Variants in MYOM2 observed in about 807,000 individuals in gnomAD.
The protein encoded by MYOM2 is myomesin 2, also known as myomesin-2.
A neutral mutation model predicts 187.6 loss-of-function variants in MYOM2; 254 were observed. That is an observed-to-expected ratio of 1.35 (90% CI 1.22 to 1.50). The LOEUF (loss-of-function observed/expected upper bound fraction) is 1.50, where lower values mean the gene tolerates loss of function less well. MYOM2 is among the 40% of genes most tolerant of loss of function. MYOM2 has a pLI of 0.00. For synonymous variants in MYOM2, 981 were observed against 753.8 expected (o/e 1.30, Z -4.94); for missense variants, 2,796 against 1,924.0 (o/e 1.45, Z -8.48).
intron 25 of MYOM2, among the ~76,000 whole-genome samples, chr8:2,110,449 G>A (rs1797031421): frequency 6.6e-6 from 1 of 152,168 alleles, no homozygotes; most frequent in Non-Finnish European, 1.5e-5. Context: ...GAGAATATTT[G>A]AGAAGCCAAT....
chr8:2,143,828 T>A (rs1214517198), intron 36 of MYOM2, among the ~76,000 whole-genome samples: 1 of 152,100 alleles, frequency 6.6e-6, no homozygotes, highest in Non-Finnish European at 1.5e-5. Context: ...CCTGCGTGTG[T>A]GAAGGTGCAA....
intron 10 of MYOM2, among the ~76,000 whole-genome samples, chr8:2,075,154 C>T (rs953305249): frequency 1.3e-5 from 2 of 152,170 alleles, no homozygotes; most frequent in African/African-American, 2.4e-5. Context: ...CGTATCTCAC[C>T]CTCCTCACTT....
At chr8:2,143,290 G>A (rs966486827) in intron 35 of MYOM2, 111 bp from the exon 36 acceptor site, 1 of 1,222,794 alleles carries the variant, frequency 8.2e-7, no homozygotes, top group Non-Finnish European at 1.2e-6. Context: ...TCTCTCCTGA[G>A]CATAAACTCC....
intron 28 of MYOM2, among the ~76,000 whole-genome samples, chr8:2,121,343 G>T (rs1797448401): frequency 6.6e-6 from 1 of 152,062 alleles, no homozygotes; most frequent in African/African-American, 2.4e-5. Context: ...CACTCCCAAG[G>T]CCAGTGGCGA....
At chr8:2,084,989 C>T (rs1819759736) in intron 13 of MYOM2, 2 of 412,642 alleles carry the variant, frequency 4.8e-6, no homozygotes, top group African/African-American at 2.0e-5. Context: ...AATCCTTCCC[C>T]CTCTTCCAAC....
intron 33 of MYOM2, 59 bp downstream of exon 33, chr8:2,140,945 T>G (rs3736658): frequency 0.07 from 105,695 of 1,518,640 alleles, 7,598 homozygotes; most frequent in African/African-American, 0.3. Context: ...ATTTAGATGC[T>G]GAAGGGAGGG....
At chr8:2,121,464 T>C (rs907109445) in intron 28 of MYOM2, among the ~76,000 whole-genome samples, 27 of 152,288 alleles carry the variant, frequency 1.8e-4, no homozygotes, top group African/African-American at 6.0e-4. Flanking sequence ...TTCATAAATC[T>C]TTAAACACAG....
intron 34 of MYOM2, among the ~76,000 whole-genome samples, 179 bp from the exon 35 acceptor site, chr8:2,142,196 A>G (rs1002089337): frequency 4.6e-5 from 7 of 152,204 alleles, no homozygotes; most frequent in Non-Finnish European, 1.0e-4. Flanking sequence ...CCATCAGGAA[A>G]AATCAGTGAT....
chr8:2,084,815 C>T (rs878900167), intron 13 of MYOM2, among the ~76,000 whole-genome samples: 17 of 152,166 alleles, frequency 1.1e-4, no homozygotes, highest in Non-Finnish European at 2.2e-4. Context: ...GCTCTGAGGG[C>T]ACACGGTATA....
At chr8:2,103,960 A>C (rs995173195) in intron 21 of MYOM2, among the ~76,000 whole-genome samples, 1 of 152,192 alleles carries the variant, frequency 6.6e-6, no homozygotes, top group East Asian at 1.9e-4. Context: ...CCGTTATTTT[A>C]AAAAGATTTG....
Position 2,096,232 on chromosome 8 carries a change from T to C in MYOM2, c.2126-15T>C. 6.2e-7 allele frequency: 1 copy of C among 1,608,192 alleles called. No homozygotes were observed. Among genetic ancestry groups the C allele is most frequent in the South Asian group, 1.1e-5 (1 of 90,576 alleles). On this transcript the variant is annotated splice_polypyrimidine_tract_variant and intron_variant, in intron 17 of 36. Transcript: ENST00000262113. Reference sequence around the variant, plus strand: ...CTGAGGCCCTCGGTAACTCCCTGGTTGTGCTTCCTTGCAGCCGTCCCGTCC... The same window carrying C: ...CTGAGGCCCTCGGTAACTCCCTGGTCGTGCTTCCTTGCAGCCGTCCCGTCC...
chr8:2,142,522 A>G, intron 35 of MYOM2, 125 bp downstream of exon 35: 2 of 893,498 alleles, frequency 2.2e-6, no homozygotes, highest in Admixed American at 3.5e-5. Flanking sequence ...CTGATGTAAC[A>G]ACGCCACCAA....
chr8:2,091,236 G>C (rs768518249), intron 15 of MYOM2, among the ~76,000 whole-genome samples: 5 of 151,906 alleles, frequency 3.3e-5, no homozygotes, highest in Non-Finnish European at 5.9e-5. Context: ...TAGAGATAGA[G>C]TTTCACCATA....
At position 2,109,539 on chromosome 8, in the gene MYOM2, C is replaced by T. The variant is rs1311297547; in HGVS notation, c.3180+8C>T. On this transcript the variant is annotated splice_region_variant and intron_variant, in intron 25 of 36. Coordinates refer to ENST00000262113, the MANE Select transcript of MYOM2 (RefSeq NM_003970.4). ...GAAGTCTCTGACAGCGAGGTGAGTT[C>T]CTGTGTGAGTGATCTCTGGCTTTGC... 5 of 1,603,676 alleles carry T rather than the reference C, an allele frequency of 3.1e-6. No individual in the cohort carries two copies. The highest frequency in any genetic ancestry group is 4.3e-6 in the Non-Finnish European group (5 of 1,176,072).
chr8:2,086,307 C>T (rs1417538425), intron 14 of MYOM2, among the ~76,000 whole-genome samples: 57 of 143,614 alleles, frequency 4.0e-4, no homozygotes, highest in African/African-American at 1.4e-3. Flanking sequence ...CGCGTGGCCC[C>T]CCACAGTCGT....
At position 2,096,434 on chromosome 8, in the gene MYOM2, G is replaced by A. The variant is rs202157103; in HGVS notation, c.2313G>A (p.Thr771=). Residue 771 remains threonine, a splice_region_variant and synonymous_variant, in exon 18 of 37, where the codon ACG becomes ACA. Transcript: ENST00000262113. ...CACCCAGCAAACCGACAATCCTAAC[G>A]GTCAGTTGGTTTTTATTCCTTCGTC... ...NSSPSKPTIL[T]VDGLTEGSLY... The A allele has an allele frequency of 9.3e-5, 150 of 1,613,608 alleles. No homozygotes were observed. The highest frequency in any genetic ancestry group is 1.7e-4 in the Middle Eastern group (1 of 6,058).
chr8:2,113,005 G>A (rs1158479278), intron 25 of MYOM2, among the ~76,000 whole-genome samples: 1 of 152,212 alleles, frequency 6.6e-6, no homozygotes, highest in African/African-American at 2.4e-5. Context: ...TCCTGGGTAA[G>A]ATCATTATTC....
intron 1 of MYOM2, among the ~76,000 whole-genome samples, chr8:2,047,867 C>A (rs1818358432): frequency 6.6e-6 from 1 of 152,188 alleles, no homozygotes; most frequent in Admixed American, 6.5e-5. Flanking sequence ...GACTTCCAGG[C>A]CCACAGGACC....
At chr8:2,064,901 T>G (rs1040455445) in intron 6 of MYOM2, among the ~76,000 whole-genome samples, 2 of 152,222 alleles carry the variant, frequency 1.3e-5, no homozygotes, top group African/African-American at 4.8e-5. Context: ...GAAACAGCAA[T>G]TCATTGCAGT....
Sources: allele counts gnomAD v4.1 joint callset (sites outside exome capture counted in the v4.1 genomes callset), GRCh38; gene constraint gnomAD v4.1.1; transcripts MANE v1.5; gene names NCBI Gene and HGNC (gene_info 2026-07-23, HGNC 2026-07-21).